TBC1D5: variants seen among roughly 807,000 people sequenced by gnomAD.
TBC1D5 encodes TBC1 domain family member 5, also known as TBC1 domain family, member 5.
In TBC1D5, 75 loss-of-function variants were observed where a neutral mutation model predicts 100.3. The observed-to-expected ratio is 0.75, with a 90% CI of 0.62 to 0.91. The LOEUF (loss-of-function observed/expected upper bound fraction) is 0.91. Among genes scored for constraint, TBC1D5 ranks in the 40% least tolerant of loss-of-function variants. The pLI is 0.00. For missense variants in TBC1D5, 910 were observed against 942.4 expected (o/e 0.97, Z 0.45); for synonymous variants, 323 against 325.6 (o/e 0.99, Z 0.09).
intron 13 of TBC1D5, among the ~76,000 whole-genome samples, chr3:17,329,949 T>G (rs890313408): frequency 2.0e-5 from 3 of 152,226 alleles, no homozygotes; most frequent in Non-Finnish European, 4.4e-5. Context: ...AACTTAAGAA[T>G]ATTAGCAGGC....
At chr3:17,714,421 T>G (rs1359816190) in intron 1 of TBC1D5, among the ~76,000 whole-genome samples, 1 of 152,200 alleles carries the variant, frequency 6.6e-6, no homozygotes, top group Non-Finnish European at 1.5e-5. Context: ...GTGAGAACTC[T>G]AAGCTTCCAC....
chr3:17,671,850 C>T (rs992468629), intron 1 of TBC1D5, among the ~76,000 whole-genome samples: 2 of 152,208 alleles, frequency 1.3e-5, no homozygotes, highest in African/African-American at 2.4e-5. Context: ...TGGTACATAA[C>T]GTATTGCACT....
intron 15 of TBC1D5, among the ~76,000 whole-genome samples, chr3:17,286,625 T>C (rs2081218495): frequency 6.6e-6 from 1 of 152,204 alleles, no homozygotes; most frequent in Non-Finnish European, 1.5e-5. Context: ...AAAACAGATA[T>C]TTGATATCCA....
chr3:17,652,535 T>A (rs912835995), intron 1 of TBC1D5, among the ~76,000 whole-genome samples: 1 of 152,192 alleles, frequency 6.6e-6, no homozygotes, highest in Non-Finnish European at 1.5e-5. Flanking sequence ...CTTAAAATGA[T>A]AATAAATATA....
At chr3:17,403,204 C>A in exon 8 of TBC1D5, 2 of 1,591,618 alleles carry the variant, frequency 1.3e-6, no homozygotes, top group South Asian at 1.1e-5. Context: ...CTTGTTCAAT[C>A]ATTGATCGAA....
rs749836541 is a variant in TBC1D5, at chr3:17,161,153, C to T, written c.2198G>A (p.Gly733Asp). 8 of 1,614,208 alleles carry T rather than the reference C, an allele frequency of 5.0e-6. No homozygotes were observed. The Admixed American group carries it at 1.3e-4, about 27-fold the overall frequency. The change falls in exon 22 of 22, where the codon GGC (glycine) becomes GAC (aspartate). Residue 733 changes from glycine to aspartate, a missense_variant. Physicochemically the swap from Gly to Asp is moderately conservative, Grantham distance 94. Transcript: ENST00000253692. The stretch of plus-strand genomic sequence containing the variant: ...GAGGGTGCGAAGAGGCTGGGCCTGG[C>T]CGGAGAAGGAGCCCCTGGCACTGCT...
chr3:17,298,684 A>C (rs2150319076), intron 14 of TBC1D5, among the ~76,000 whole-genome samples: 1 of 152,332 alleles, frequency 6.6e-6, no homozygotes, highest in South Asian at 2.1e-4. Flanking sequence ...AAAATGGAAT[A>C]TTAGTCAGCA....
intron 13 of TBC1D5, among the ~76,000 whole-genome samples, chr3:17,350,103 T>A (rs1269012284): frequency 6.6e-6 from 1 of 152,214 alleles, no homozygotes; most frequent in Non-Finnish European, 1.5e-5. Context: ...TAGACACTTA[T>A]GGAGCTGAAG....
intron 18 of TBC1D5, among the ~76,000 whole-genome samples, chr3:17,211,864 G>A (rs915587436): frequency 6.6e-6 from 1 of 152,152 alleles, no homozygotes; most frequent in South Asian, 2.1e-4. Flanking sequence ...GTTCCTCTCT[G>A]CTCTTTTATA....
intron 1 of TBC1D5, among the ~76,000 whole-genome samples, chr3:17,734,723 G>A (rs563450357): frequency 6.6e-6 from 1 of 152,142 alleles, no homozygotes; most frequent in Non-Finnish European, 1.5e-5. Context: ...CTCTCAAATG[G>A]CTTTGTTGTA....
intron 13 of TBC1D5, among the ~76,000 whole-genome samples, chr3:17,365,393 C>CT (rs1366600623): frequency 4.6e-5 from 7 of 152,292 alleles, no homozygotes; most frequent in Non-Finnish European, 1.0e-4. Flanking sequence ...AAGGTTGTTT[C>CT]TCCCACTTCA....
At chr3:17,170,858 T>C (rs2067109994) in intron 19 of TBC1D5, among the ~76,000 whole-genome samples, 1 of 152,160 alleles carries the variant, frequency 6.6e-6, no homozygotes, top group Non-Finnish European at 1.5e-5. Flanking sequence ...TGTGGGCATT[T>C]GCTCAGAAAA....
chr3:17,347,505 A>G (rs553138549), intron 13 of TBC1D5, among the ~76,000 whole-genome samples: 1 of 152,250 alleles, frequency 6.6e-6, no homozygotes, highest in South Asian at 2.1e-4. Context: ...AAAAAAAATT[A>G]TTGACAAGTT....
chr3:17,491,501 G>C (rs1164918075), intron 3 of TBC1D5, among the ~76,000 whole-genome samples: 1 of 152,000 alleles, frequency 6.6e-6, no homozygotes, highest in Non-Finnish European at 1.5e-5. Flanking sequence ...GTCTAGTTGA[G>C]AGTTTTTAAC....
chr3:17,382,974 A>G (rs1346530546), intron 9 of TBC1D5, among the ~76,000 whole-genome samples: 1 of 152,030 alleles, frequency 6.6e-6, no homozygotes, highest in Non-Finnish European at 1.5e-5. Flanking sequence ...CAATTCTAAT[A>G]AGCTATTGTC....
At chr3:17,504,530 T>A (rs1485952534) in intron 3 of TBC1D5, among the ~76,000 whole-genome samples, 1 of 152,120 alleles carries the variant, frequency 6.6e-6, no homozygotes, top group Non-Finnish European at 1.5e-5. Flanking sequence ...AAAAATGGCA[T>A]GTGTGAAGGC....
At chr3:17,376,926 A>G (rs1406518470) in intron 9 of TBC1D5, among the ~76,000 whole-genome samples, 1 of 152,140 alleles carries the variant, frequency 6.6e-6, no homozygotes, top group African/African-American at 2.4e-5. Flanking sequence ...CTGTACTCAT[A>G]AATATGAATT....
At position 17,423,722 on chromosome 3, in the gene TBC1D5, G is replaced by C. The variant is rs568087018; in HGVS notation, c.167+4728C>G. Among the ~76,000 whole-genome samples, 30 of 152,162 alleles carry C rather than the reference G, an allele frequency of 2.0e-4. No individual in the cohort carries two copies. In the South Asian group the frequency reaches 5.8e-3, roughly 29 times the overall value. On this transcript the variant is annotated intron_variant, in intron 4 of 21. Transcript: ENST00000253692. ...GTTGGAAAAAATACTGAGTAAACTAGATGATTTACTACAGTTTATATAGAA... is the reference window on the plus strand; with the variant it reads ...GTTGGAAAAAATACTGAGTAAACTACATGATTTACTACAGTTTATATAGAA...
At chr3:17,630,955 A>T (rs2063449064) in intron 1 of TBC1D5, among the ~76,000 whole-genome samples, 1 of 150,304 alleles carries the variant, frequency 6.7e-6, no homozygotes, top group African/African-American at 2.4e-5. Flanking sequence ...GAAGCAGGAG[A>T]ATGGTGTGAA....
Sources: gnomAD v4.1 joint callset for allele counts (sites outside exome capture counted in the v4.1 genomes callset) on GRCh38, gnomAD v4.1.1 for gene constraint, MANE v1.5 for transcripts, NCBI Gene and HGNC (gene_info 2026-07-23, HGNC 2026-07-21) for gene names.